Variants in CUL7 observed in about 807,000 individuals in gnomAD.
The protein encoded by CUL7 is cullin 7.
In CUL7, 96 loss-of-function variants were observed where a neutral mutation model predicts 177.7. That is an observed-to-expected ratio of 0.54 (90% CI 0.46 to 0.64). The LOEUF (loss-of-function observed/expected upper bound fraction) is 0.64. CUL7 is among the 30% of genes least tolerant of loss of function. The pLI is 0.00. For missense variants in CUL7, 1,893 were observed against 2,187.9 expected, an observed-to-expected ratio of 0.87 and a Z score of 2.69; for synonymous variants, 824 against 890.2, an observed-to-expected ratio of 0.93 and a Z score of 1.32.
rs1383990448 is a variant in CUL7, at chr6:43,043,263, G to A, written c.3356-83C>T. 8.5e-6 allele frequency: 11 copies of A among 1,294,560 alleles called. No homozygotes were observed. The African/African-American group carries it at 8.8e-5, about 10-fold the overall frequency. The allele number at this position is 1,294,560 out of a possible 1,614,324, so 80.2% of individuals were successfully genotyped here. On this transcript the variant is annotated intron_variant, in intron 17 of 25. Transcript: ENST00000265348. The surrounding 1 kb of genome is among the most constrained non-coding windows in gnomAD (Gnocchi z 4.2). ...TCCCCATCCAAGGGGGTTCCCTGAG[G>A]CCTTTCCTGACATGCTGCCACCCAA...
chr6:43,042,614 T>C (rs1281909208), intron 19 of CUL7, among the ~76,000 whole-genome samples, 188 bp downstream of exon 19: 1 of 152,258 alleles, frequency 6.6e-6, no homozygotes, highest in East Asian at 1.9e-4. Context: ...GTGCTGGGAT[T>C]ACAGGCATGA....
Position 43,040,924 on chromosome 6 carries a change from T to C in CUL7, c.3797A>G (p.His1266Arg), listed in dbSNP as rs1343486138. The change falls in exon 20 of 26, where the codon CAT becomes CGT. Residue 1266 changes from histidine (H) to arginine (R), a missense_variant. Physicochemically the swap from His to Arg is conservative, Grantham distance 29. This residue lies in a region of CUL7 where 973 missense variants were observed against 1,140.9 expected (regional missense o/e 0.85). Coordinates refer to ENST00000265348, the MANE Select transcript of CUL7 (RefSeq NM_014780.5). This position sits in a 1 kb window ranked among gnomAD's most constrained non-coding sequence, Gnocchi z 4.2. Reference protein sequence around the residue: ...SGLEIATTFEHYYQHYMADRL... With the variant: ...SGLEIATTFERYYQHYMADRL... ...TTAGGTCCACACTCACTGGTAATAATGCTCAAAAGTGGTGGCTATCTCCAA... is the reference window on the plus strand; with the variant it reads ...TTAGGTCCACACTCACTGGTAATAACGCTCAAAAGTGGTGGCTATCTCCAA... The C allele has an allele frequency of 1.2e-6, 2 of 1,613,312 alleles. No homozygotes were observed. The highest frequency in any genetic ancestry group is 4.5e-5 in the East Asian group (2 of 44,872).
At chr6:43,039,950 G>A (rs1455485042) in intron 22 of CUL7, among the ~76,000 whole-genome samples, 1 of 152,016 alleles carries the variant, frequency 6.6e-6, no homozygotes, top group East Asian at 1.9e-4. Flanking sequence ...TGTTGGCCAA[G>A]GCTGGTCTTG....
chr6:43,051,448 G>C lies in CUL7; in HGVS notation c.753C>G (p.Phe251Leu), dbSNP rs1381624884. The C allele has an allele frequency of 6.2e-7, 1 of 1,614,028 alleles. No individual in the cohort carries two copies. Among genetic ancestry groups the C allele is most frequent in the Non-Finnish European group, 8.5e-7 (1 of 1,180,022 alleles). Residue 251 changes from phenylalanine to leucine, a missense_variant, in exon 4 of 26, where the codon TTC becomes TTG. This residue lies in a region of CUL7 where 653 missense variants were observed against 725.2 expected (regional missense o/e 0.90). Transcript: ENST00000265348. The surrounding 1 kb of genome is among the most constrained non-coding windows in gnomAD (Gnocchi z 5.0). ...QLPQVPGRVL[F>L]SLVKRYLHVT... ...CATGCAAATACCGCTTCACCAGGGA[G>C]AAGAGCACCCTTCCTGGGACCTGTG...
At chr6:43,049,747 C>G (rs1297547765) in intron 6 of CUL7, 85 bp from the exon 7 acceptor site, 2 of 1,548,840 alleles carry the variant, frequency 1.3e-6, no homozygotes, top group Admixed American at 1.7e-5. Context: ...GGGGGTCTCT[C>G]TGCACACATA....
In CUL7 at chr6:43,048,444, T is replaced by C. The variant is rs781137864; in HGVS notation, c.1951A>G (p.Lys651Glu). ...AGCTGCAGCAGGAGTGGCTTGACCTTGTTCTCCTGGGTCCCCTCTGAGCTG... is the reference window on the plus strand; with the variant it reads ...AGCTGCAGCAGGAGTGGCTTGACCTCGTTCTCCTGGGTCCCCTCTGAGCTG... ...ALSSEGTQENKVKPLLLQLQR... is the reference protein window; with the variant it reads ...ALSSEGTQENEVKPLLLQLQR... The change falls in exon 8 of 26, where the codon AAG becomes GAG. Residue 651 changes from lysine to glutamate, a missense_variant. Transcript: ENST00000265348. The C allele has an allele frequency of 1.2e-6, 2 of 1,613,986 alleles. No homozygotes were observed. The highest frequency in any genetic ancestry group is 3.3e-5 in the Admixed American group (2 of 60,024).
chr6:43,040,346 C>T lies in CUL7; in HGVS notation c.4104G>A (p.Ala1368=), dbSNP rs143333013. Reference sequence around the variant, plus strand: ...TCTCCTCCTCTTCCTCCTCTCCCTCCGCCACATCCACCACTGCTGCTGCCC... The same window carrying T: ...TCTCCTCCTCTTCCTCCTCTCCCTCTGCCACATCCACCACTGCTGCTGCCC... ...EAGAAAVVDV[A]EGEEEEEENE... The change falls in exon 22 of 26, where the codon GCG becomes GCA. Residue 1368 remains alanine, a synonymous_variant. Coordinates refer to ENST00000265348, the MANE Select transcript of CUL7 (RefSeq NM_014780.5). The surrounding 1 kb of genome is among the most constrained non-coding windows in gnomAD (Gnocchi z 4.2). The T allele has an allele frequency of 2.0e-4, 330 of 1,613,830 alleles. No homozygotes were observed. The highest frequency in any genetic ancestry group is 1.9e-3 in the African/African-American group (141 of 75,046).
Position 43,040,211 on chromosome 6 carries a change from G to A in CUL7, c.4239C>T (p.Cys1413=), listed in dbSNP as rs1763287962. The change falls in exon 22 of 26, where the codon TGC becomes TGT. Residue 1413 remains cysteine (C), a synonymous_variant. Coordinates refer to ENST00000265348, the MANE Select transcript of CUL7 (RefSeq NM_014780.5). The surrounding 1 kb of genome is among the most constrained non-coding windows in gnomAD (Gnocchi z 4.2). ...SICHTLNPRT[C]LPSYLRGTLN... is the part of the protein sequence containing the mutation. ...AAGTGCCCCTCAGGTAGGAGGGCAG[G>A]CAGGTTCTGGGGTTCAGTGTGTGGC... 1 of 1,614,184 alleles carries A rather than the reference G, an allele frequency of 6.2e-7. No individual in the cohort carries two copies. The highest frequency in any genetic ancestry group is 8.5e-7 in the Non-Finnish European group (1 of 1,180,040).
In CUL7 at chr6:43,051,596, C is replaced by T. The variant is rs374757433; in HGVS notation, c.732+16G>A. 73 of 1,614,048 alleles carry T rather than the reference C, an allele frequency of 4.5e-5. No individual in the cohort carries two copies. The highest frequency in any genetic ancestry group is 1.5e-4 in the Admixed American group (9 of 60,006). ...TTGTTCACAAGTTCCCCCCACCTTACACCCCCAAAGGTTACCTGTGGTAGC... is the reference window on the plus strand; with the variant it reads ...TTGTTCACAAGTTCCCCCCACCTTATACCCCCAAAGGTTACCTGTGGTAGC... On this transcript the variant is annotated intron_variant, in intron 3 of 25. Coordinates refer to ENST00000265348, the MANE Select transcript of CUL7 (RefSeq NM_014780.5). The surrounding 1 kb of genome is among the most constrained non-coding windows in gnomAD (Gnocchi z 5.0).
At chr6:43,047,170 A>G (rs1198070045) in intron 9 of CUL7, 63 bp from the exon 10 acceptor site, 9 of 894,382 alleles carry the variant, frequency 1.0e-5, no homozygotes, top group Non-Finnish European at 1.7e-5. Flanking sequence ...GGGCACCTGC[A>G]GTAGCAGGTA....
chr6:43,040,707 G>T lies in CUL7; in HGVS notation c.3846C>A (p.Ser1282Arg), dbSNP rs1763337357. 2 of 1,614,058 alleles carry T rather than the reference G, an allele frequency of 1.2e-6. No individual in the cohort carries two copies. Among genetic ancestry groups the T allele is most frequent in the Non-Finnish European group, 1.7e-6 (2 of 1,180,054 alleles). ...MADRLLGVVS[S>R]WLEGAVLEQI... ...GCTCCAGCACGGCCCCCTCCAGCCA[G>T]CTCGAGACCACGCCCAGGAGACGGT... Residue 1282 changes from serine (S) to arginine (R), a missense_variant, in exon 21 of 26, where the codon AGC (serine) becomes AGA (arginine). Around this residue, in one of 5 missense-constraint regions of CUL7, gnomAD observed 973 missense variants for 1,140.9 expected, o/e 0.85. Coordinates refer to ENST00000265348, the MANE Select transcript of CUL7 (RefSeq NM_014780.5). This position sits in a 1 kb window ranked among gnomAD's most constrained non-coding sequence, Gnocchi z 4.2.
chr6:43,042,003 C>CAAAA (rs201127168), intron 19 of CUL7, among the ~76,000 whole-genome samples: 8 of 53,530 alleles, frequency 1.5e-4, no homozygotes, highest in Admixed American at 4.4e-4. Flanking sequence ...GACTCCGTCT[C>CAAAA]AAAAAAAAAA....
chr6:43,052,030 G>T lies in CUL7; in HGVS notation c.580+179C>A. 8.6e-7 allele frequency: 1 copy of T among 1,165,066 alleles called. No homozygotes were observed. Among genetic ancestry groups the T allele is most frequent in the Non-Finnish European group, 1.2e-6 (1 of 837,070 alleles). The allele number at this position is 1,165,066 out of a possible 1,614,324, so 72.2% of individuals were successfully genotyped here. ...TCTTGAAGATAGTCTTTCCTCTTTT[G>T]GCAGATAACCCCCACCCTCACTCCC... is the stretch of plus-strand genomic sequence containing the variant. On this transcript the variant is annotated intron_variant, in intron 2 of 25. Transcript: ENST00000265348. This position sits in a 1 kb window ranked among gnomAD's most constrained non-coding sequence, Gnocchi z 4.5.
Position 43,040,102 on chromosome 6 carries a change from T to C in CUL7, c.4294+54A>G, listed in dbSNP as rs1763278830. On this transcript the variant is annotated intron_variant, in intron 22 of 25. Transcript: ENST00000265348. This position sits in a 1 kb window ranked among gnomAD's most constrained non-coding sequence, Gnocchi z 4.2. ...GGGTCTGCCCCCAACCCCAGGTCCTTTCCTAGCAGCCCACCCTCTCCCCAG... is the reference window on the plus strand; with the variant it reads ...GGGTCTGCCCCCAACCCCAGGTCCTCTCCTAGCAGCCCACCCTCTCCCCAG... 8 of 1,611,488 alleles carry C rather than the reference T, an allele frequency of 5.0e-6. No homozygotes were observed. The highest frequency in any genetic ancestry group is 5.9e-6 in the Non-Finnish European group (7 of 1,177,960).
intron 9 of CUL7, among the ~76,000 whole-genome samples, chr6:43,047,394 C>T (rs1764011865): frequency 6.6e-6 from 1 of 152,194 alleles, no homozygotes; most frequent in Non-Finnish European, 1.5e-5. Flanking sequence ...TCCCTGGGTT[C>T]TTTCATCCAG....
At chr6:43,048,925 C>T (rs1764166463) in intron 7 of CUL7, among the ~76,000 whole-genome samples, 2 of 151,954 alleles carry the variant, frequency 1.3e-5, no homozygotes, top group African/African-American at 4.8e-5. Context: ...ACCACCACGC[C>T]CGGCTAATTT....
intron 19 of CUL7, 186 bp from the exon 20 acceptor site, chr6:43,041,261 A>G: frequency 1.6e-6 from 1 of 629,052 alleles, no homozygotes; most frequent in Non-Finnish European, 2.8e-6. Context: ...ACAATTATGG[A>G]AAGTGTCTTT....
rs745479079 is a variant in CUL7 at position 43,048,455 on chromosome 6, G to A, written c.1940C>T (p.Thr647Ile). Residue 647 changes from threonine to isoleucine, a missense_variant, in exon 8 of 26, where the codon ACC becomes ATC. Thr to Ile is a moderately conservative substitution (Grantham distance 89). This residue lies in a region of CUL7 where 973 missense variants were observed against 1,140.9 expected (regional missense o/e 0.85). Coordinates refer to ENST00000265348, the MANE Select transcript of CUL7 (RefSeq NM_014780.5). ...GAGTGGCTTGACCTTGTTCTCCTGG[G>A]TCCCCTCTGAGCTGAGGGCTTGCTC... ...DLEQALSSEG[T>I]QENKVKPLLL... The A allele has an allele frequency of 4.3e-6, 7 of 1,613,948 alleles. No homozygotes were observed. Among genetic ancestry groups the A allele is most frequent in the African/African-American group, 4.0e-5 (3 of 74,998 alleles).
At position 43,050,572 on chromosome 6, in the gene CUL7, ACACACACACACAC is replaced by A. The variant is rs1269474591; in HGVS notation, c.1234-187_1234-175del. On this transcript the variant is annotated intron_variant, in intron 4 of 25. Transcript: ENST00000265348. The surrounding 1 kb of genome is among the most constrained non-coding windows in gnomAD (Gnocchi z 4.1). ...AATACACACACACACACACACACAC[ACACACACACACAC>A]ACACACACACACACACACACAGGAT... Among the ~76,000 whole-genome samples, 5 of 146,760 alleles carry A rather than the reference ACACACACACACAC, an allele frequency of 3.4e-5. No individual in the cohort carries two copies. Among genetic ancestry groups the A allele is most frequent in the African/African-American group, 1.2e-4 (5 of 40,012 alleles).
Sources: gnomAD v4.1 joint callset for allele counts (sites outside exome capture counted in the v4.1 genomes callset) on GRCh38, gnomAD v4.1.1 for gene constraint, gnomAD v4.1.1 regional missense constraint, Gnocchi (gnomAD v3.1) non-coding constraint, MANE v1.5 for transcripts, NCBI Gene and HGNC (gene_info 2026-07-23, HGNC 2026-07-21) for gene names.